Variants in RPS6KA2 observed in about 807,000 individuals in gnomAD.
RPS6KA2 encodes the protein ribosomal protein S6 kinase A2.
A neutral mutation model predicts 91.8 loss-of-function variants in RPS6KA2; 42 were observed. The ratio of observed to expected loss-of-function variants is 0.46; its 90% CI spans 0.36 to 0.59. RPS6KA2 has a LOEUF of 0.59. RPS6KA2 is among the 20% of genes least tolerant of loss of function. The pLI is 0.00. For synonymous variants in RPS6KA2, 414 were observed against 393.6 expected (o/e 1.05, Z -0.61); for missense variants, 798 against 978.5 (o/e 0.82, Z 2.46).
intron 1 of RPS6KA2, among the ~76,000 whole-genome samples, chr6:166,602,307 T>C (rs940057211): frequency 6.6e-6 from 1 of 152,240 alleles, no homozygotes; most frequent in Non-Finnish European, 1.5e-5. Context: ...ACATTTACTA[T>C]AGTTGAAGAT....
At chr6:166,742,786 T>C (rs1790853103) in intron 2 of RPS6KA2, among the ~76,000 whole-genome samples, 1 of 152,242 alleles carries the variant, frequency 6.6e-6, no homozygotes, top group African/African-American at 2.4e-5. Flanking sequence ...GGATTTTTCA[T>C]TATTTTGTTA....
At chr6:166,762,573 TG>T (rs923659803) in intron 2 of RPS6KA2, among the ~76,000 whole-genome samples, 1 of 152,170 alleles carries the variant, frequency 6.6e-6, no homozygotes, top group African/African-American at 2.4e-5. Flanking sequence ...GATCTCGCAC[TG>T]GGCTGTAAGC....
In RPS6KA2 at chr6:166,533,530, G is replaced by A. The variant is rs891578531; in HGVS notation, c.217-2217C>T. Among the ~76,000 whole-genome samples, 1 of 152,238 alleles carries A rather than the reference G, an allele frequency of 6.6e-6. No individual in the cohort carries two copies. On this transcript the variant is annotated intron_variant, in intron 2 of 20. Coordinates refer to ENST00000265678, the MANE Select transcript of RPS6KA2 (RefSeq NM_021135.6). This position sits in a 1 kb window ranked among gnomAD's most constrained non-coding sequence, Gnocchi z 4.0. ...TAAGTTGGGCAGTGACACCAGCAAG[G>A]GCAGGGGTGTGCCTTCCTGGCCTAG...
At chr6:166,466,526 C>T (rs888190363) in intron 11 of RPS6KA2, among the ~76,000 whole-genome samples, 1 of 152,196 alleles carries the variant, frequency 6.6e-6, no homozygotes. Context: ...AGCTGCAGCC[C>T]TCAGGGTCTC....
At chr6:166,587,633 GA>G (rs11432330) in intron 1 of RPS6KA2, among the ~76,000 whole-genome samples, 7 of 145,988 alleles carry the variant, frequency 4.8e-5, no homozygotes, top group African/African-American at 7.5e-5. Flanking sequence ...TCTGCCATTG[GA>G]AAAAAAAAAG....
intron 1 of RPS6KA2, among the ~76,000 whole-genome samples, chr6:166,574,524 G>A (rs746608261): frequency 1.1e-4 from 17 of 152,316 alleles, no homozygotes; most frequent in African/African-American, 2.6e-4. Context: ...ATTCTATCAC[G>A]TATATGTACC....
intron 2 of RPS6KA2, among the ~76,000 whole-genome samples, chr6:166,661,776 T>C (rs1788170600): frequency 6.6e-6 from 1 of 152,202 alleles, no homozygotes; most frequent in Admixed American, 6.5e-5. Context: ...TTTCTCTTTC[T>C]GAAATCGGTT....
intron 10 of RPS6KA2, among the ~76,000 whole-genome samples, chr6:166,470,766 G>T (rs1344143643): frequency 6.6e-6 from 1 of 152,220 alleles, no homozygotes; most frequent in African/African-American, 2.4e-5. Context: ...GAAAGCGGTG[G>T]GGCAGGGAGT....
intron 2 of RPS6KA2, among the ~76,000 whole-genome samples, chr6:166,692,125 C>T (rs544488145): frequency 7.9e-5 from 12 of 152,138 alleles, no homozygotes; most frequent in African/African-American, 2.7e-4. Flanking sequence ...GAGAAGTGGA[C>T]GTGTGGGTTC....
chr6:166,760,617 A>G (rs545719295), intron 2 of RPS6KA2, among the ~76,000 whole-genome samples: 4 of 152,350 alleles, frequency 2.6e-5, no homozygotes, highest in Non-Finnish European at 5.9e-5. Context: ...GGCTCGGCCA[A>G]AAATGCTCAT....
At chr6:166,582,937 G>A (rs1290879149) in intron 1 of RPS6KA2, among the ~76,000 whole-genome samples, 1 of 152,162 alleles carries the variant, frequency 6.6e-6, no homozygotes, top group Non-Finnish European at 1.5e-5. Context: ...GAAGATTTAA[G>A]AAAAATAACT....
At chr6:166,677,097 G>A (rs972346074) in intron 2 of RPS6KA2, among the ~76,000 whole-genome samples, 1 of 152,074 alleles carries the variant, frequency 6.6e-6, no homozygotes, top group African/African-American at 2.4e-5. Context: ...GTTGTTTTGC[G>A]TATTTTGAAA....
rs1454372216 is a variant in RPS6KA2 at position 166,666,756 on chromosome 6, T to G, written c.124-127972A>C. The stretch of plus-strand genomic sequence containing the variant: ...AGAATAACCATATAATTTAGCAACT[T>G]TCACTTCTGAGTATATACCCAAAAA... On this transcript the variant is annotated intron_variant, in intron 2 of 21. Transcript: ENST00000503859. The surrounding 1 kb of genome is among the most constrained non-coding windows in gnomAD (Gnocchi z 4.0). Among the ~76,000 whole-genome samples, 1 of 152,158 alleles carries G rather than the reference T, an allele frequency of 6.6e-6. No individual in the cohort carries two copies. Among genetic ancestry groups the G allele is most frequent in the Non-Finnish European group, 1.5e-5 (1 of 68,028 alleles).
intron 1 of RPS6KA2, among the ~76,000 whole-genome samples, chr6:166,622,898 GCTCA>G (rs1786695668): frequency 6.6e-6 from 1 of 152,190 alleles, no homozygotes; most frequent in African/African-American, 2.4e-5. Flanking sequence ...TAGACATTAA[GCTCA>G]CTGAGGGCAG....
intron 10 of RPS6KA2, among the ~76,000 whole-genome samples, chr6:166,474,015 C>T (rs185151768): frequency 5.2e-4 from 76 of 146,718 alleles, no homozygotes; most frequent in African/African-American, 1.7e-3. Flanking sequence ...GGGAGTCGCT[C>T]GTGTCCCACA....
Position 166,412,513 on chromosome 6 carries a change from T to G in RPS6KA2, c.*249A>C. 5.7e-6 allele frequency: 2 copies of G among 350,668 alleles called. No homozygotes were observed. Among genetic ancestry groups the G allele is most frequent in the East Asian group, 4.9e-5 (1 of 20,602 alleles). The allele number at this position is 350,668 out of a possible 1,614,324, so 21.7% of individuals were successfully genotyped here. On this transcript the variant is annotated 3_prime_UTR_variant, in exon 21 of 21. Transcript: ENST00000265678. This position sits in a 1 kb window ranked among gnomAD's most constrained non-coding sequence, Gnocchi z 4.3. Reference sequence around the variant, plus strand: ...CCCGGCCTCGCACGGGCACGCGAGGTGAAGGGGCGCATTTGGTTTCGCTTG... The same window carrying G: ...CCCGGCCTCGCACGGGCACGCGAGGGGAAGGGGCGCATTTGGTTTCGCTTG...
At position 166,727,984 on chromosome 6, in the gene RPS6KA2, C is replaced by A. The variant is rs567120344; in HGVS notation, c.123+130216G>T. Among the ~76,000 whole-genome samples the A allele has an allele frequency of 7.2e-5, 11 of 152,316 alleles. No individual in the cohort carries two copies. In the South Asian group the frequency reaches 1.9e-3, roughly 26 times the overall value. On this transcript the variant is annotated intron_variant, in intron 2 of 21. Transcript: ENST00000503859. ...ACCAGATGGTCATGTCCATACTAAA[C>A]AGACTTTTTCCCTTGTCATCATTCC...
intron 2 of RPS6KA2, among the ~76,000 whole-genome samples, chr6:166,793,888 A>T (rs1415874471): frequency 1.3e-5 from 2 of 150,994 alleles, no homozygotes; most frequent in Admixed American, 6.6e-5. Context: ...CTACACCTAA[A>T]ACCATAAAAA....
At chr6:166,455,458 C>T (rs1780069924) in intron 12 of RPS6KA2, among the ~76,000 whole-genome samples, 2 of 152,154 alleles carry the variant, frequency 1.3e-5, no homozygotes, top group African/African-American at 2.4e-5. Context: ...CAGCTAGAGC[C>T]AGGTGTCGGC....
Sources: allele counts gnomAD v4.1 joint callset (sites outside exome capture counted in the v4.1 genomes callset), GRCh38; gene constraint gnomAD v4.1.1; non-coding constraint Gnocchi (gnomAD v3.1); transcripts MANE v1.5; gene names NCBI Gene and HGNC (gene_info 2026-07-23, HGNC 2026-07-21).